PTK2: variants seen among roughly 807,000 people sequenced by gnomAD.
PTK2 encodes the protein focal adhesion kinase 1.
In PTK2, 45 loss-of-function variants were observed where a neutral mutation model predicts 150.1. The observed-to-expected ratio is 0.30, with a 90% CI of 0.24 to 0.38. PTK2 has a LOEUF of 0.38. PTK2 is among the 10% of genes least tolerant of loss of function. The probability of loss-of-function intolerance (pLI) is 1.00; values close to 1 mark genes in which losing one functional copy is unlikely to be tolerated. For missense variants in PTK2, 919 were observed against 1,307.3 expected (o/e 0.70, Z 4.58); for synonymous variants, 432 against 449.2 (o/e 0.96, Z 0.48).
chr8:140,662,673 T>C (rs1563796396), intron 31 of PTK2: 1 of 572,822 alleles, frequency 1.7e-6, no homozygotes, highest in Non-Finnish European at 3.3e-6. Flanking sequence ...AGGAGTTGTG[T>C]CCAACCGTCC....
intron 26 of PTK2, among the ~76,000 whole-genome samples, chr8:140,688,781 G>A (rs1564405634): frequency 6.6e-6 from 1 of 152,136 alleles, no homozygotes. Context: ...GAACTCTGAA[G>A]AGCATAACTT....
chr8:140,818,716 T>A (rs1410925399), intron 9 of PTK2, among the ~76,000 whole-genome samples, 164 bp downstream of exon 9: 1 of 152,242 alleles, frequency 6.6e-6, no homozygotes, highest in Non-Finnish European at 1.5e-5. Context: ...CTCACATTAA[T>A]TATTTTCTTT....
At chr8:140,971,177 G>T (rs2100187128) in intron 1 of PTK2, among the ~76,000 whole-genome samples, 1 of 152,162 alleles carries the variant, frequency 6.6e-6, no homozygotes, top group Non-Finnish European at 1.5e-5. Flanking sequence ...ATCTGAAGTG[G>T]AATCTACTAA....
At chr8:140,745,786 G>A (rs755833357) in intron 18 of PTK2, among the ~76,000 whole-genome samples, 1 of 152,116 alleles carries the variant, frequency 6.6e-6, no homozygotes, top group East Asian at 1.9e-4. Context: ...GATCACTGGA[G>A]GTCAGGGGTT....
intron 4 of PTK2, among the ~76,000 whole-genome samples, chr8:140,868,807 G>A (rs1451409123): frequency 1.3e-5 from 2 of 152,144 alleles, no homozygotes; most frequent in Admixed American, 1.3e-4. Flanking sequence ...TCTCAGATTA[G>A]AGAAGACTTA....
chr8:140,685,817 A>G (rs748726737), intron 27 of PTK2, among the ~76,000 whole-genome samples: 19 of 152,228 alleles, frequency 1.2e-4, no homozygotes, highest in Non-Finnish European at 2.2e-4. Context: ...TCACTGTGGA[A>G]AGCAATTTGG....
chr8:140,673,208 A>C (rs975890177), intron 29 of PTK2, among the ~76,000 whole-genome samples: 4 of 151,888 alleles, frequency 2.6e-5, no homozygotes, highest in African/African-American at 9.7e-5. Context: ...CCTGGGTTCA[A>C]GTGATTCTCC....
At chr8:140,943,197 G>C (rs1008391332) in intron 1 of PTK2, among the ~76,000 whole-genome samples, 21 of 152,136 alleles carry the variant, frequency 1.4e-4, no homozygotes, top group African/African-American at 5.1e-4. Context: ...CCACGCTGAA[G>C]ACACAGACTA....
chr8:140,828,714 C>A (rs976132032), intron 8 of PTK2, among the ~76,000 whole-genome samples: 1 of 152,136 alleles, frequency 6.6e-6, no homozygotes, highest in South Asian at 2.1e-4. Context: ...ACTGCAGCAC[C>A]CAGCAGGTTT....
chr8:140,741,312 G>A (rs188829524), intron 20 of PTK2, among the ~76,000 whole-genome samples: 1,787 of 151,576 alleles, frequency 0.012, 34 homozygotes, highest in African/African-American at 0.042. Flanking sequence ...AAAATTAGCC[G>A]GGCGTGGTGG....
At chr8:140,996,713 G>A (rs186849173) in intron 1 of PTK2, among the ~76,000 whole-genome samples, 2 of 152,300 alleles carry the variant, frequency 1.3e-5, no homozygotes, top group Non-Finnish European at 2.9e-5. Flanking sequence ...AATATTTTAA[G>A]CCCACTGTTG....
intron 1 of PTK2, among the ~76,000 whole-genome samples, chr8:140,990,609 C>CT (rs2100195352): frequency 6.6e-6 from 1 of 152,116 alleles, no homozygotes; most frequent in South Asian, 2.1e-4. Context: ...ATTATTTTTG[C>CT]TTTCATTGAG....
intron 26 of PTK2, among the ~76,000 whole-genome samples, chr8:140,687,339 G>A (rs1489786115): frequency 6.6e-6 from 1 of 152,090 alleles, no homozygotes; most frequent in Admixed American, 6.6e-5. Flanking sequence ...CCCTTTGCCC[G>A]TGAACACTGG....
At chr8:140,696,328 C>T (rs375838110) in intron 26 of PTK2, among the ~76,000 whole-genome samples, 22 of 152,046 alleles carry the variant, frequency 1.4e-4, no homozygotes, top group African/African-American at 4.8e-4. Flanking sequence ...AAGGAACTTA[C>T]GTTTTATTAG....
chr8:140,987,613 C>G (rs1205147049), intron 1 of PTK2, among the ~76,000 whole-genome samples: 1 of 152,206 alleles, frequency 6.6e-6, no homozygotes, highest in Admixed American at 6.5e-5. Context: ...CCATTACACA[C>G]TGAATTAAAA....
At chr8:140,755,223 G>A (rs1316417877) in intron 16 of PTK2, among the ~76,000 whole-genome samples, 1 of 152,226 alleles carries the variant, frequency 6.6e-6, no homozygotes, top group Middle Eastern at 3.4e-3. Flanking sequence ...GTGCTTGAAG[G>A]AAAGAAAAAA....
chr8:140,818,817 C>T, intron 9 of PTK2, 63 bp downstream of exon 9: 12 of 1,528,744 alleles, frequency 7.8e-6, no homozygotes, highest in African/African-American at 1.4e-5. Context: ...TTTAGATATA[C>T]AGCAAGAGAC....
At chr8:140,895,751 G>A (rs2100155937) in intron 2 of PTK2, among the ~76,000 whole-genome samples, 1 of 152,104 alleles carries the variant, frequency 6.6e-6, no homozygotes, top group African/African-American at 2.4e-5. Flanking sequence ...AAAGATAAAT[G>A]TTTGAGGTGA....
At chr8:140,747,403 A>G (rs1284553769) in intron 17 of PTK2, 1 of 109,400 alleles carries the variant, frequency 9.1e-6, no homozygotes, top group African/African-American at 3.7e-5. Context: ...GGCAGGGGGG[A>G]AGAGGAAGAA....
Sources: gnomAD v4.1 joint callset for allele counts (sites outside exome capture counted in the v4.1 genomes callset) on GRCh38, gnomAD v4.1.1 for gene constraint, MANE v1.5 for transcripts, NCBI Gene and HGNC (gene_info 2026-07-23, HGNC 2026-07-21) for gene names.